Variants in NRXN3 observed in about 807,000 individuals in gnomAD.
NRXN3 encodes the protein neurexin III.
A neutral mutation model predicts 137.6 loss-of-function variants in NRXN3; 32 were observed. The ratio of observed to expected loss-of-function variants is 0.23; its 90% confidence interval spans 0.18 to 0.31. The LOEUF (loss-of-function observed/expected upper bound fraction) is 0.31. Ranked by LOEUF, NRXN3 falls within the 10% of genes least tolerant of loss-of-function variation. NRXN3 has a pLI of 1.00. For synonymous variants in NRXN3, 798 were observed against 784.5 expected, an observed-to-expected ratio of 1.02 and a Z score of -0.29; for missense variants, 1,574 against 2,062.5, an observed-to-expected ratio of 0.76 and a Z score of 4.59.
chr14:78,678,137 G>T (rs1341420436), intron 6 of NRXN3, among the ~76,000 whole-genome samples: 1 of 152,048 alleles, frequency 6.6e-6, no homozygotes, highest in Admixed American at 6.6e-5. Flanking sequence ...AGATATATCT[G>T]TATGTGTTTA....
At chr14:79,282,413 T>A (rs74067968) in intron 15 of NRXN3, among the ~76,000 whole-genome samples, 6,575 of 152,116 alleles carry the variant, frequency 0.043, 349 homozygotes, top group African/African-American at 0.12. Context: ...TTTGTTCGGG[T>A]TGTAAACAGT....
At chr14:78,966,851 A>G (rs1187411019) in intron 12 of NRXN3, among the ~76,000 whole-genome samples, 3 of 152,224 alleles carry the variant, frequency 2.0e-5, no homozygotes, top group Non-Finnish European at 2.9e-5. Flanking sequence ...ACTACCATGT[A>G]TTAGAAAATA....
intron 15 of NRXN3, among the ~76,000 whole-genome samples, chr14:79,323,857 CAA>C (rs923204064): frequency 1.4e-5 from 2 of 143,180 alleles, no homozygotes; most frequent in Non-Finnish European, 3.1e-5. Context: ...GACTTCATCT[CAA>C]AAAAAAAAAA....
At chr14:79,307,237 G>C (rs1405279707) in intron 15 of NRXN3, among the ~76,000 whole-genome samples, 1 of 151,962 alleles carries the variant, frequency 6.6e-6, no homozygotes. Context: ...AGTTACTCTA[G>C]GTCCCATATC....
intron 19 of NRXN3, among the ~76,000 whole-genome samples, chr14:79,756,781 C>A (rs904815436): frequency 3.9e-5 from 6 of 152,174 alleles, no homozygotes; most frequent in Non-Finnish European, 5.9e-5. Flanking sequence ...TGACCAAAAT[C>A]TATAAGCCCA....
chr14:78,554,455 C>T (rs1282783000), intron 4 of NRXN3, among the ~76,000 whole-genome samples: 1 of 152,114 alleles, frequency 6.6e-6, no homozygotes, highest in Non-Finnish European at 1.5e-5. Context: ...AAACAGGCTT[C>T]GTGGGGACCA....
At chr14:78,357,301 C>T (rs1331906273) in intron 4 of NRXN3, among the ~76,000 whole-genome samples, 2 of 152,126 alleles carry the variant, frequency 1.3e-5, no homozygotes, top group Admixed American at 1.3e-4. Flanking sequence ...TTTAAACCAT[C>T]GGATCTCACG....
chr14:79,463,484 AAG>A (rs1555462868), intron 15 of NRXN3, among the ~76,000 whole-genome samples: 18 of 152,206 alleles, frequency 1.2e-4, no homozygotes, highest in African/African-American at 4.1e-4. Context: ...TTAAAAAAAA[AAG>A]AGTCATCCTT....
chr14:79,604,597 C>T (rs2097977121), intron 16 of NRXN3, among the ~76,000 whole-genome samples: 1 of 151,908 alleles, frequency 6.6e-6, no homozygotes, highest in Admixed American at 6.6e-5. Context: ...CACACAACCT[C>T]CCCAATAAAA....
At chr14:79,218,470 A>G (rs1751066213) in intron 15 of NRXN3, among the ~76,000 whole-genome samples, 1 of 152,190 alleles carries the variant, frequency 6.6e-6, no homozygotes, top group African/African-American at 2.4e-5. Flanking sequence ...CTTGGAGTAT[A>G]TAGGAATGAA....
chr14:78,336,507 A>C (rs2081490639), intron 4 of NRXN3, among the ~76,000 whole-genome samples: 1 of 152,144 alleles, frequency 6.6e-6, no homozygotes, highest in African/African-American at 2.4e-5. Flanking sequence ...CCCTGCTCTC[A>C]TGGAGCTGCT....
intron 4 of NRXN3, among the ~76,000 whole-genome samples, chr14:78,340,631 C>A (rs575036454): frequency 2.3e-4 from 35 of 152,254 alleles, no homozygotes; most frequent in African/African-American, 7.7e-4. Context: ...TCTTGCGGCT[C>A]CTCAAACCAG....
intron 15 of NRXN3, among the ~76,000 whole-genome samples, chr14:79,333,170 C>A (rs749941115): frequency 2.0e-5 from 3 of 152,014 alleles, no homozygotes; most frequent in Middle Eastern, 3.4e-3. Context: ...GCTAAATTAT[C>A]CCCTCAACTA....
At chr14:78,547,533 T>C (rs184100238) in intron 4 of NRXN3, among the ~76,000 whole-genome samples, 100 of 152,254 alleles carry the variant, frequency 6.6e-4, no homozygotes, top group African/African-American at 2.2e-3. Flanking sequence ...GGGATCCTAA[T>C]TGAAGTTGTA....
intron 8 of NRXN3, among the ~76,000 whole-genome samples, chr14:78,796,549 G>A (rs2098822476): frequency 1.3e-5 from 2 of 152,186 alleles, no homozygotes; most frequent in Non-Finnish European, 2.9e-5. Context: ...GCAGCAATGA[G>A]CAAACTGGTA....
At chr14:79,662,949 C>T (rs985693659) in intron 16 of NRXN3, among the ~76,000 whole-genome samples, 1 of 152,128 alleles carries the variant, frequency 6.6e-6, no homozygotes, top group Non-Finnish European at 1.5e-5. Context: ...GGTGGGGACA[C>T]ATCCACACCA....
chr14:78,881,682 A>G (rs1226667579), intron 10 of NRXN3, among the ~76,000 whole-genome samples: 2 of 151,716 alleles, frequency 1.3e-5, no homozygotes, highest in Non-Finnish European at 2.9e-5. Context: ...TATATTCACA[A>G]AGATAGAATT....
intron 14 of NRXN3, among the ~76,000 whole-genome samples, chr14:78,978,494 T>C (rs2099477446): frequency 6.6e-6 from 1 of 152,020 alleles, no homozygotes; most frequent in African/African-American, 2.4e-5. Flanking sequence ...ATAGATCTTA[T>C]GTTGTCTGTA....
At chr14:78,231,068 A>C (rs2065328606) in intron 1 of NRXN3, among the ~76,000 whole-genome samples, 1 of 152,178 alleles carries the variant, frequency 6.6e-6, no homozygotes, top group South Asian at 2.1e-4. Context: ...TGCAGGGCCA[A>C]ACCTGGAACA....
Sources: gnomAD v4.1 joint callset for allele counts (sites outside exome capture counted in the v4.1 genomes callset) on GRCh38, gnomAD v4.1.1 for gene constraint, MANE v1.5 for transcripts, NCBI Gene and HGNC (gene_info 2026-07-23, HGNC 2026-07-21) for gene names.